The following PMF1 variants were observed in gnomAD, a reference collection of about 807,000 sequenced individuals.
PMF1 encodes the protein polyamine-modulated factor 1.
A neutral mutation model predicts 26.7 loss-of-function variants in PMF1; 21 were observed. That is an observed-to-expected ratio of 0.79 (90% CI 0.56 to 1.13). PMF1 has a LOEUF of 1.13. Ranked by LOEUF, PMF1 falls within the 50% of genes most tolerant of loss-of-function variation. The probability of loss-of-function intolerance (pLI) is 0.00; values close to 1 mark genes in which losing one functional copy is unlikely to be tolerated. For synonymous variants in PMF1, 105 were observed against 101.0 expected, an observed-to-expected ratio of 1.04 and a Z score of -0.24; for missense variants, 266 against 254.9, an observed-to-expected ratio of 1.04 and a Z score of -0.30.
chr1:156,238,882 GC>G (rs35970509), intron 4 of PMF1, among the ~76,000 whole-genome samples: 6 of 148,412 alleles, frequency 4.0e-5, no homozygotes, highest in Non-Finnish European at 6.0e-5. Context: ...GGTGACAAAG[GC>G]CCCCCCCCCA....
At chr1:156,235,219 G>C (rs1240898333) in intron 3 of PMF1, among the ~76,000 whole-genome samples, 1 of 151,376 alleles carries the variant, frequency 6.6e-6, no homozygotes, top group Non-Finnish European at 1.5e-5. Flanking sequence ...CAGCCTCCCG[G>C]GTCCAAGCGA....
Position 156,213,098 on chromosome 1 carries a change from C to T in PMF1, c.83C>T (p.Pro28Leu). The change falls in exon 1 of 5, where the codon CCC becomes CTC. Residue 28 changes from proline (P) to leucine (L), a missense_variant. Physicochemically the swap from Pro to Leu is moderately conservative, Grantham distance 98 (BLOSUM62 -3). Transcript: ENST00000368277. The part of the protein sequence containing the change: ...HEGSSSESVP[P>L]GTTISRVKLL... ...GGGTCGTCTTCGGAATCTGTGCCACCCGGCACTACCATTTCGAGGGTGAAG... is the reference window on the plus strand; with the variant it reads ...GGGTCGTCTTCGGAATCTGTGCCACTCGGCACTACCATTTCGAGGGTGAAG... 2.5e-6 allele frequency: 4 copies of T among 1,614,244 alleles called. No homozygotes were observed. The highest frequency in any genetic ancestry group is 3.4e-6 in the Non-Finnish European group (4 of 1,180,028).
At chr1:156,237,043 T>A (rs1455270752) in intron 4 of PMF1, 1 of 153,540 alleles carries the variant, frequency 6.5e-6, no homozygotes, top group Non-Finnish European at 1.5e-5. Flanking sequence ...TATTTATCAT[T>A]TCTATGTGTT....
chr1:156,228,731 C>T (rs961244063), intron 1 of PMF1, among the ~76,000 whole-genome samples: 2 of 152,038 alleles, frequency 1.3e-5, no homozygotes, highest in African/African-American at 4.8e-5. Context: ...CTGTTTTAAG[C>T]CACAATTACC....
rs61183482 is a variant in PMF1 at position 156,236,539 on chromosome 1, C to T, written c.564+56C>T. On this transcript the variant is annotated intron_variant, in intron 4 of 4. Transcript: ENST00000368277. ...CTTCTCTAATGGGCCCTCTGAGATC[C>T]GCAAATTGGTGGCTTCCTCCATTCC... 6.4e-4 allele frequency: 985 copies of T among 1,527,966 alleles called. 6 individuals are homozygous for T. The African/African-American group carries it at 9.0e-3, about 14-fold the overall frequency. 94.7% of individuals were successfully genotyped at this position (1,527,966 alleles called of 1,614,324 possible).
intron 1 of PMF1, among the ~76,000 whole-genome samples, chr1:156,218,552 C>T (rs1422099751): frequency 3.3e-5 from 5 of 152,186 alleles, no homozygotes; most frequent in African/African-American, 7.2e-5. Flanking sequence ...GAGGCTGAGG[C>T]GGGCAGATCA....
At chr1:156,217,403 T>G (rs1657831470) in intron 1 of PMF1, among the ~76,000 whole-genome samples, 1 of 152,086 alleles carries the variant, frequency 6.6e-6, no homozygotes, top group Non-Finnish European at 1.5e-5. Context: ...CATATGCCAT[T>G]TTTTACTCAA....
Position 156,236,297 on chromosome 1 carries a change from C to T in PMF1, c.378C>T (p.Ser126=), listed in dbSNP as rs150950899. 198 of 1,608,012 alleles carry T rather than the reference C, an allele frequency of 1.2e-4. No individual in the cohort carries two copies. Among genetic ancestry groups the T allele is most frequent in the Middle Eastern group, 6.6e-4 (4 of 6,034 alleles). Residue 126 remains serine (S), a synonymous_variant, in exon 4 of 5, where the codon AGC becomes AGT. Coordinates refer to ENST00000368277, the MANE Select transcript of PMF1 (RefSeq NM_007221.4). ...KVRKEPAWRP[S]GIPEKDLHSV... ...CCGTGTGGCCCTCCAGGCGCCCCAG[C>T]GGGATCCCAGAGAAGGATCTGCACA...
chr1:156,232,187 C>A, intron 1 of PMF1, 133 bp from the exon 2 acceptor site: 1 of 752,868 alleles, frequency 1.3e-6, no homozygotes, highest in Non-Finnish European at 2.3e-6. Context: ...AGATTTGCAT[C>A]CACTGGCTTT....
At chr1:156,222,227 C>T (rs1658123037) in intron 1 of PMF1, among the ~76,000 whole-genome samples, 2 of 152,170 alleles carry the variant, frequency 1.3e-5, no homozygotes, top group Non-Finnish European at 2.9e-5. Flanking sequence ...CTCTTCTGCA[C>T]CAAGTGCTGC....
At chr1:156,239,451 C>A in intron 4 of PMF1, 97 bp from the exon 5 acceptor site, 1 of 952,542 alleles carries the variant, frequency 1.0e-6, no homozygotes, top group Non-Finnish European at 1.7e-6. Flanking sequence ...CCATATTGTC[C>A]TGGGGGAAAC....
intron 4 of PMF1, among the ~76,000 whole-genome samples, chr1:156,239,266 G>A (rs996738109): frequency 2.6e-5 from 4 of 152,210 alleles, no homozygotes; most frequent in Non-Finnish European, 5.9e-5. Context: ...TCAGAGGATT[G>A]AAGGGCCACT....
At chr1:156,222,741 T>G (rs1658152679) in intron 1 of PMF1, among the ~76,000 whole-genome samples, 1 of 152,168 alleles carries the variant, frequency 6.6e-6, no homozygotes, top group Admixed American at 6.5e-5. Flanking sequence ...GGTCTCAAAC[T>G]CCTAACCTCA....
At chr1:156,225,459 T>G in intron 1 of PMF1, 17 of 477,332 alleles carry the variant, frequency 3.6e-5, no homozygotes, top group East Asian at 4.9e-5. Context: ...CCTCCCACCC[T>G]TTCCCCACAG....
chr1:156,229,315 G>GGT (rs1247459720), intron 1 of PMF1, among the ~76,000 whole-genome samples: 2 of 151,980 alleles, frequency 1.3e-5, no homozygotes, highest in African/African-American at 2.4e-5. Flanking sequence ...GAAGTGTACT[G>GGT]GTAGTTGCTT....
rs143241510 is a variant in PMF1 at position 156,229,283 on chromosome 1, G to A, written c.162-3037G>A. ...ATGGAATGTGTATCACTGAAAAGGT[G>A]AGAGACCGCCACTCTGACCCAGAAG... is the stretch of plus-strand genomic sequence containing the variant. On this transcript the variant is annotated intron_variant, in intron 1 of 4. Coordinates refer to ENST00000368277, the MANE Select transcript of PMF1 (RefSeq NM_007221.4). 4.2e-3 allele frequency among the ~76,000 whole-genome samples: 642 copies of A among 152,104 alleles called. 5 individuals carry two copies. The highest frequency in any genetic ancestry group is 0.015 in the African/African-American group (625 of 41,482).
At chr1:156,239,484 G>A (rs1178052369) in intron 4 of PMF1, 64 bp from the exon 5 acceptor site, 5 of 1,361,356 alleles carry the variant, frequency 3.7e-6, no homozygotes, top group Admixed American at 1.7e-5. Flanking sequence ...GTCAGGGACA[G>A]TGGAGGGCAA....
At chr1:156,219,109 G>C (rs1348938567) in intron 1 of PMF1, among the ~76,000 whole-genome samples, 1 of 151,348 alleles carries the variant, frequency 6.6e-6, no homozygotes, top group Non-Finnish European at 1.5e-5. Flanking sequence ...GTAGAGACCG[G>C]GGTTTCACCA....
intron 1 of PMF1, among the ~76,000 whole-genome samples, chr1:156,231,257 A>G (rs1234839943): frequency 6.8e-6 from 1 of 147,336 alleles, no homozygotes; most frequent in Non-Finnish European, 1.5e-5. Context: ...TTAGCTGGTC[A>G]TGATGGTGTG....
Sources: gnomAD v4.1 joint callset for allele counts (sites outside exome capture counted in the v4.1 genomes callset) on GRCh38, gnomAD v4.1.1 for gene constraint, MANE v1.5 for transcripts, NCBI Gene and HGNC (gene_info 2026-07-23, HGNC 2026-07-21) for gene names.